ZNF90: variants seen among roughly 807,000 people sequenced by gnomAD.
The protein encoded by ZNF90 is zinc finger protein HTF9.
ZNF90 carries 11 observed loss-of-function variants against 12.0 expected under a neutral mutation model. The ratio of observed to expected loss-of-function variants is 0.92; its 90% confidence interval spans 0.58 to 1.52. The LOEUF is 1.52. Ranked by LOEUF, ZNF90 falls within the 40% of genes most tolerant of loss-of-function variation. The probability of loss-of-function intolerance (pLI) is 0.00; values close to 1 mark genes in which losing one functional copy is unlikely to be tolerated. For missense variants in ZNF90, 765 were observed against 711.5 expected, an observed-to-expected ratio of 1.08 and a Z score of -0.86; for synonymous variants, 232 against 240.1, an observed-to-expected ratio of 0.97 and a Z score of 0.31.
rs782518234 is a variant in ZNF90, at chr19:20,118,541, T to G, written c.987T>G (p.Ser329Arg). The G allele has an allele frequency of 3.7e-6, 6 of 1,613,294 alleles. No individual in the cohort carries two copies. In the South Asian group the frequency reaches 6.6e-5, roughly 18 times the overall value. Residue 329 changes from serine (S) to arginine (R), a missense_variant, in exon 4 of 4, where the codon AGT (serine) becomes AGG (arginine). Ser to Arg is a moderately radical substitution (Grantham distance 110, BLOSUM62 -1). Coordinates refer to ENST00000418063, the MANE Select transcript of ZNF90 (RefSeq NM_007138.2). ...CCTTCAAGCTCTCCTCAATCCTTAG[T>G]ACACATAAGAGAATCCATACTGGAG... ...GKAFKLSSILSTHKRIHTGEK... is the reference protein window; with the variant it reads ...GKAFKLSSILRTHKRIHTGEK...
intron 1 of ZNF90, among the ~76,000 whole-genome samples, chr19:20,092,344 C>G (rs1419964269): frequency 2.0e-5 from 3 of 152,136 alleles, no homozygotes; most frequent in African/African-American, 7.2e-5. Context: ...GACATGATGG[C>G]CAGCCTAAAA....
intron 1 of ZNF90, among the ~76,000 whole-genome samples, chr19:20,093,239 T>C (rs1336103652): frequency 3.3e-5 from 5 of 152,232 alleles, no homozygotes; most frequent in Non-Finnish European, 7.3e-5. Flanking sequence ...GTAAGACTTA[T>C]CCGGTTTTTG....
At chr19:20,103,394 T>C (rs2089005731) in intron 1 of ZNF90, among the ~76,000 whole-genome samples, 1 of 152,216 alleles carries the variant, frequency 6.6e-6, no homozygotes, top group Non-Finnish European at 1.5e-5. Context: ...CTGCCTCAGC[T>C]TTCTTCCCAA....
chr19:20,079,026 C>G (rs1326519479), intron 1 of ZNF90, among the ~76,000 whole-genome samples: 1 of 150,086 alleles, frequency 6.7e-6, no homozygotes, highest in African/African-American at 2.5e-5. Context: ...GGCTGAGGCC[C>G]GAGAATTGCT....
chr19:20,119,304 A>C lies in ZNF90; in HGVS notation c.1750A>C (p.Lys584Gln), dbSNP rs781942435. ...FNLSSDLNTH[K>Q]RIHIGQKAYI... ...CTTGTCCTCAGACCTTAATACACAT[A>C]AGAGGATTCATATTGGACAGAAAGC... is the stretch of plus-strand genomic sequence containing the variant. Residue 584 changes from lysine (K) to glutamine (Q), a missense_variant, in exon 4 of 4, where the codon AAG (lysine) becomes CAG (glutamine). Coordinates refer to ENST00000418063, the MANE Select transcript of ZNF90 (RefSeq NM_007138.2). The C allele has an allele frequency of 6.5e-5, 105 of 1,610,464 alleles. No individual in the cohort carries two copies. The highest frequency in any genetic ancestry group is 8.3e-5 in the Non-Finnish European group (98 of 1,178,226).
At chr19:20,113,695 G>A (rs2089111474) in intron 3 of ZNF90, among the ~76,000 whole-genome samples, 1 of 152,174 alleles carries the variant, frequency 6.6e-6, no homozygotes, top group African/African-American at 2.4e-5. Context: ...GGGCGTGTTG[G>A]CGGGCGCTTA....
At chr19:20,080,642 A>G (rs531685679) in intron 1 of ZNF90, 266 of 174,554 alleles carry the variant, frequency 1.5e-3, no homozygotes, top group Middle Eastern at 2.7e-3. Context: ...GGTAAACATC[A>G]CTACAGTGTT....
chr19:20,112,135 G>T (rs1299684826), intron 3 of ZNF90, among the ~76,000 whole-genome samples: 2 of 151,904 alleles, frequency 1.3e-5, no homozygotes, highest in African/African-American at 4.8e-5. Context: ...GGGATTACAG[G>T]CATGAGCCGA....
At chr19:20,105,173 A>C (rs1654266) in intron 2 of ZNF90, 48 bp from the exon 3 acceptor site, 14 of 1,448,712 alleles carry the variant, frequency 9.7e-6, no homozygotes, top group Non-Finnish European at 1.2e-5. Context: ...CTAGCTTGTA[A>C]TTGGAGAATA....
Position 20,119,644 on chromosome 19 carries a change from G to T in ZNF90, c.*284G>T. On this transcript the variant is annotated 3_prime_UTR_variant, in exon 4 of 4. Coordinates refer to ENST00000418063, the MANE Select transcript of ZNF90 (RefSeq NM_007138.2). ...ATTCTTTTTTTTTTTTTTTAAGAAG[G>T]AGTTTCATGCTTCTCACCCAGCCTG... 1 of 268,282 alleles carries T rather than the reference G, an allele frequency of 3.7e-6. No homozygotes were observed. 16.6% of individuals were successfully genotyped at this position (268,282 alleles called of 1,614,324 possible).
intron 1 of ZNF90, among the ~76,000 whole-genome samples, chr19:20,089,264 G>T (rs892550786): frequency 1.3e-5 from 2 of 152,154 alleles, no homozygotes; most frequent in African/African-American, 4.8e-5. Context: ...GTTATTTTCG[G>T]GGCTGGGTAT....
At chr19:20,111,014 TGTCTAGTGTAGTTA>T (rs1555705054) in intron 3 of ZNF90, among the ~76,000 whole-genome samples, 1 of 152,248 alleles carries the variant, frequency 6.6e-6, no homozygotes, top group East Asian at 1.9e-4. Flanking sequence ...GAAATTTTGA[TGTCTAGTGTAGTTA>T]AACTTTTCTG....
chr19:20,118,455 T>C lies in ZNF90; in HGVS notation c.901T>C (p.Tyr301His), dbSNP rs1555706018. Residue 301 changes from tyrosine to histidine, a missense_variant, in exon 4 of 4, where the codon TAT becomes CAT. Transcript: ENST00000418063. Reference sequence around the variant, plus strand: ...AGCATTTATTTCATCCTCGATCCTTTATGTACATAAGATAAGTCATACTGA... The same window carrying C: ...AGCATTTATTTCATCCTCGATCCTTCATGTACATAAGATAAGTCATACTGA... ...GRAFISSSIL[Y>H]VHKISHTEEK... 1.2e-6 allele frequency: 2 copies of C among 1,612,368 alleles called. No homozygotes were observed. The highest frequency in any genetic ancestry group is 4.5e-5 in the East Asian group (2 of 44,768).
chr19:20,087,959 A>T (rs1326760445), intron 1 of ZNF90, among the ~76,000 whole-genome samples: 2 of 152,168 alleles, frequency 1.3e-5, no homozygotes, highest in African/African-American at 4.8e-5. Context: ...AAGTGATGTC[A>T]ACAGTTAAGG....
At chr19:20,078,795 AG>A (rs1386355338) in intron 1 of ZNF90, among the ~76,000 whole-genome samples, 2 of 152,042 alleles carry the variant, frequency 1.3e-5, no homozygotes, top group Admixed American at 1.3e-4. Flanking sequence ...CAGCCAATGG[AG>A]GGAAAACAAA....
chr19:20,084,254 A>AC (rs1236779983), intron 1 of ZNF90, among the ~76,000 whole-genome samples: 1 of 151,534 alleles, frequency 6.6e-6, no homozygotes, highest in Non-Finnish European at 1.5e-5. Context: ...ACGGGGTTTC[A>AC]CCATATTGGT....
At chr19:20,117,666 C>A in intron 3 of ZNF90, 115 bp from the exon 4 acceptor site, 1 of 1,404,878 alleles carries the variant, frequency 7.1e-7, no homozygotes, top group Non-Finnish European at 9.3e-7. Flanking sequence ...CTTATTGTTT[C>A]TTTCAGTTAT....
At chr19:20,115,590 T>A (rs1555705593) in intron 3 of ZNF90, among the ~76,000 whole-genome samples, 1 of 151,986 alleles carries the variant, frequency 6.6e-6, no homozygotes, top group Admixed American at 6.6e-5. Flanking sequence ...AAATTCTTCA[T>A]CATTACATCT....
At chr19:20,109,353 A>G (rs977322808) in intron 3 of ZNF90, among the ~76,000 whole-genome samples, 2 of 152,148 alleles carry the variant, frequency 1.3e-5, no homozygotes, top group African/African-American at 2.4e-5. Context: ...CTGAATTTCA[A>G]TGGGAGTTTT....
Sources: gnomAD v4.1 joint callset for allele counts (sites outside exome capture counted in the v4.1 genomes callset) on GRCh38, gnomAD v4.1.1 for gene constraint, MANE v1.5 for transcripts, NCBI Gene and HGNC (gene_info 2026-07-23, HGNC 2026-07-21) for gene names.